MMP16: variants seen among roughly 807,000 people sequenced by gnomAD.
MMP16 encodes the protein matrix metallopeptidase 16.
Under a neutral mutation model 67.8 loss-of-function variants are expected in MMP16, and 12 were observed. The observed-to-expected ratio is 0.18, with a 90% CI of 0.11 to 0.29. The LOEUF is 0.29. Among genes scored for constraint, MMP16 ranks in the 10% least tolerant of loss-of-function variants. The probability of loss-of-function intolerance (pLI) is 1.00; values close to 1 mark genes in which losing one functional copy is unlikely to be tolerated. For missense variants in MMP16, 475 were observed against 765.7 expected (o/e 0.62, Z 4.48); for synonymous variants, 249 against 255.9 (o/e 0.97, Z 0.26).
At chr8:88,154,041 C>G (rs1808460769) in intron 4 of MMP16, among the ~76,000 whole-genome samples, 1 of 146,642 alleles carries the variant, frequency 6.8e-6, no homozygotes, top group South Asian at 2.2e-4. Flanking sequence ...ACAACCCCAT[C>G]AAAAAGTGGG....
chr8:88,131,658 G>T (rs906096176), intron 4 of MMP16, among the ~76,000 whole-genome samples: 6 of 151,738 alleles, frequency 4.0e-5, no homozygotes, highest in Non-Finnish European at 7.4e-5. Context: ...TATTACAGTT[G>T]AAATTACTCA....
At chr8:88,228,566 CCTT>C (rs1809807452) in intron 1 of MMP16, among the ~76,000 whole-genome samples, 1 of 151,968 alleles carries the variant, frequency 6.6e-6, no homozygotes, top group Admixed American at 6.6e-5. Context: ...ATGTGTAGCT[CCTT>C]CTAAGTGACA....
intron 1 of MMP16, among the ~76,000 whole-genome samples, chr8:88,250,774 T>A (rs1810198244): frequency 6.6e-6 from 1 of 151,752 alleles, no homozygotes; most frequent in African/African-American, 2.4e-5. Context: ...TTTCTTTTTT[T>A]TTTTAATTTT....
chr8:88,101,111 C>A (rs1301671076), intron 6 of MMP16, among the ~76,000 whole-genome samples: 1 of 151,658 alleles, frequency 6.6e-6, no homozygotes, highest in Non-Finnish European at 1.5e-5. Flanking sequence ...TACCCTAGAA[C>A]TTAAAGTATA....
At chr8:88,136,235 A>G (rs1030967161) in intron 4 of MMP16, among the ~76,000 whole-genome samples, 5 of 151,918 alleles carry the variant, frequency 3.3e-5, no homozygotes, top group Admixed American at 6.6e-5. Context: ...GACCTCTGAC[A>G]GGAGCCTGGA....
At chr8:88,045,338 TTTTC>T (rs911162024) in intron 9 of MMP16, among the ~76,000 whole-genome samples, 8 of 152,054 alleles carry the variant, frequency 5.3e-5, no homozygotes, top group Middle Eastern at 3.4e-3. Flanking sequence ...AGAGTTTTCT[TTTTC>T]TTTCTTTCTT....
At chr8:88,198,769 C>T (rs960512761) in intron 1 of MMP16, among the ~76,000 whole-genome samples, 3 of 151,928 alleles carry the variant, frequency 2.0e-5, no homozygotes, top group African/African-American at 7.3e-5. Context: ...GCATCACTGT[C>T]AGGAAGGTGT....
At chr8:88,276,913 T>C (rs1810657895) in intron 1 of MMP16, among the ~76,000 whole-genome samples, 1 of 152,144 alleles carries the variant, frequency 6.6e-6, no homozygotes, top group Non-Finnish European at 1.5e-5. Flanking sequence ...AATGTATAAA[T>C]CACAAATATT....
chr8:88,265,466 G>A (rs988161923), intron 1 of MMP16, among the ~76,000 whole-genome samples: 1 of 152,044 alleles, frequency 6.6e-6, no homozygotes, highest in Non-Finnish European at 1.5e-5. Context: ...TTTAATGGGA[G>A]AGAATGATCA....
intron 1 of MMP16, among the ~76,000 whole-genome samples, chr8:88,275,534 A>G (rs16880580): frequency 0.12 from 18,425 of 151,862 alleles, 1,226 homozygotes; most frequent in Non-Finnish European, 0.14. Flanking sequence ...CTAATAAACT[A>G]CATCATGGGG....
intron 1 of MMP16, among the ~76,000 whole-genome samples, chr8:88,224,689 A>G (rs16880028): frequency 0.033 from 5,090 of 152,124 alleles, 223 homozygotes; most frequent in African/African-American, 0.1. Flanking sequence ...CTCAAATTGT[A>G]AACTCTACTT....
At chr8:88,326,941 G>A (rs1481988290) in intron 1 of MMP16, 134 bp downstream of exon 1, 1 of 1,139,336 alleles carries the variant, frequency 8.8e-7, no homozygotes, top group Non-Finnish European at 1.3e-6. Flanking sequence ...CTGAACCAGG[G>A]TCTCCACAGC....
chr8:88,110,763 T>C (rs1329082904), intron 6 of MMP16, among the ~76,000 whole-genome samples: 2 of 151,656 alleles, frequency 1.3e-5, no homozygotes, highest in Non-Finnish European at 3.0e-5. Context: ...ATGAGAATTA[T>C]GGCCATATAC....
intron 8 of MMP16, among the ~76,000 whole-genome samples, chr8:88,049,792 G>T (rs2337226): frequency 0.018 from 2,760 of 152,122 alleles, 51 homozygotes; most frequent in Non-Finnish European, 0.027. Context: ...GGGAGGCCAA[G>T]ATGGATGGAT....
intron 6 of MMP16, among the ~76,000 whole-genome samples, chr8:88,109,662 C>A (rs920922353): frequency 2.6e-5 from 4 of 151,144 alleles, no homozygotes; most frequent in Non-Finnish European, 5.9e-5. Flanking sequence ...AAAATACTTT[C>A]CATGTGCACT....
chr8:88,300,417 G>A (rs745831805), intron 1 of MMP16, among the ~76,000 whole-genome samples: 3 of 151,988 alleles, frequency 2.0e-5, no homozygotes, highest in South Asian at 2.1e-4. Flanking sequence ...GAAATCTCAC[G>A]CCATCCCACT....
At chr8:88,158,299 G>T (rs1199881295) in intron 4 of MMP16, among the ~76,000 whole-genome samples, 2 of 152,186 alleles carry the variant, frequency 1.3e-5, no homozygotes, top group Non-Finnish European at 2.9e-5. Flanking sequence ...CAGTGTAAAA[G>T]TGTTCCTATT....
At chr8:88,125,529 A>G (rs1325370276) in intron 4 of MMP16, among the ~76,000 whole-genome samples, 1 of 151,984 alleles carries the variant, frequency 6.6e-6, no homozygotes, top group South Asian at 2.1e-4. Flanking sequence ...TATAATTAAA[A>G]CAACCTACGT....
At chr8:88,100,349 C>T (rs559160198) in intron 6 of MMP16, among the ~76,000 whole-genome samples, 47 of 151,968 alleles carry the variant, frequency 3.1e-4, no homozygotes, top group African/African-American at 1.1e-3. Context: ...AAGAACACAC[C>T]TATGCAGCCA....
Sources: allele counts gnomAD v4.1 joint callset (sites outside exome capture counted in the v4.1 genomes callset), GRCh38; gene constraint gnomAD v4.1.1; transcripts MANE v1.5; gene names NCBI Gene and HGNC (gene_info 2026-07-23, HGNC 2026-07-21).